The following DNAAF3 variants were observed in gnomAD, a reference collection of about 807,000 sequenced individuals.
DNAAF3 encodes the protein dynein axonemal assembly factor 3.
A neutral mutation model predicts 50.9 loss-of-function variants in DNAAF3; 40 were observed. The ratio of observed to expected loss-of-function variants is 0.79; its 90% CI spans 0.61 to 1.02. The LOEUF (loss-of-function observed/expected upper bound fraction) is 1.02. Among genes scored for constraint, DNAAF3 ranks in the 50% least tolerant of loss-of-function variants. DNAAF3 has a pLI of 0.00. For synonymous variants in DNAAF3, 327 were observed against 322.8 expected (o/e 1.01, Z -0.14); for missense variants, 763 against 744.7 (o/e 1.02, Z -0.29).
intron 4 of DNAAF3, among the ~76,000 whole-genome samples, chr19:55,163,307 G>A (rs1223332713): frequency 1.7e-5 from 2 of 116,766 alleles, no homozygotes; most frequent in Admixed American, 8.8e-5. Context: ...CGCGCCCGGC[G>A]GCTAATTTTT....
chr19:55,162,997 C>CTTTTTTTTTTTTTTTTTTTTT lies in DNAAF3; in HGVS notation c.323-728_323-708dup, dbSNP rs576178532. Among the ~76,000 whole-genome samples, 6 of 92,158 alleles carry CTTTTTTTTTTTTTTTTTTTTT rather than the reference C, an allele frequency of 6.5e-5. 1 individual carries two copies. Among genetic ancestry groups the CTTTTTTTTTTTTTTTTTTTTT allele is most frequent in the Non-Finnish European group, 1.3e-4 (6 of 46,862 alleles). The allele number at this position is 92,158 out of a possible 152,430, so 60.5% of individuals were successfully genotyped here. ...TTTTATTTCTTTTTCTTTTCTTTTT[C>CTTTTTTTTTTTTTTTTTTTTT]TTTTTTTTTTTTTTTTTTTTTTTTT... On this transcript the variant is annotated intron_variant, in intron 4 of 11. Transcript: ENST00000524407.
chr19:55,163,861 G>C (rs1222652486), intron 4 of DNAAF3, among the ~76,000 whole-genome samples: 1 of 152,024 alleles, frequency 6.6e-6, no homozygotes, highest in African/African-American at 2.4e-5. Flanking sequence ...GAATTCCCTG[G>C]GTCATTAATG....
In DNAAF3 at chr19:55,159,044, G is replaced by T; in HGVS notation, c.*18C>A. The T allele has an allele frequency of 6.4e-7, 1 of 1,551,504 alleles. No homozygotes were observed. ...CCTGACTTTGGAAGTTGGAGATAAGGGGTGTCTAGGGGTTGGGTCAGACTC... is the reference window on the plus strand; with the variant it reads ...CCTGACTTTGGAAGTTGGAGATAAGTGGTGTCTAGGGGTTGGGTCAGACTC... On this transcript the variant is annotated 3_prime_UTR_variant, in exon 12 of 12. Transcript: ENST00000524407.
rs1213510714 is a variant in DNAAF3, at chr19:55,165,839, C to T, written c.228+19G>A. 2.5e-6 allele frequency: 4 copies of T among 1,612,248 alleles called. No homozygotes were observed. The highest frequency in any genetic ancestry group is 2.7e-5 in the African/African-American group (2 of 74,876). ...TCAAGGACTCGGGAATCTGGGCTCT[C>T]ATCTTCATCCCAGCTCACGTTGAAC... On this transcript the variant is annotated intron_variant, in intron 3 of 11. Coordinates refer to ENST00000524407, the MANE Select transcript of DNAAF3 (RefSeq NM_001256715.2).
In DNAAF3 at chr19:55,161,497, C is replaced by A. The variant is rs2085831172; in HGVS notation, c.664-79G>T. ...CCCCTACACCAGCCTCCCTCAGACC[C>A]AGGAGTCCAGGTCCCCAGGCCCTCC... On this transcript the variant is annotated intron_variant, in intron 6 of 11. Transcript: ENST00000524407. The surrounding 1 kb of genome is among the most constrained non-coding windows in gnomAD (Gnocchi z 6.4). The A allele has an allele frequency of 2.6e-6, 4 of 1,518,188 alleles. No individual in the cohort carries two copies. The Admixed American group carries it at 8.8e-5, about 33-fold the overall frequency. The allele number at this position is 1,518,188 out of a possible 1,614,324, so 94.0% of individuals were successfully genotyped here.
Position 55,160,697 on chromosome 19 carries a change from C to CG in DNAAF3, c.990dup (p.Gly331ArgfsTer66). On this transcript the variant is annotated frameshift_variant, in exon 9 of 12. Transcript: ENST00000524407. LOFTEE classifies it high-confidence loss of function. This position sits in a 1 kb window ranked among gnomAD's most constrained non-coding sequence, Gnocchi z 4.7. ...TGCTGCTGCTCCTCCAGGTCCCCCC[C>CG]GGTGGCTCTCGCGCGCCCCCAGGCG... 6.2e-7 allele frequency: 1 copy of CG among 1,613,676 alleles called. No homozygotes were observed. Among genetic ancestry groups the CG allele is most frequent in the Non-Finnish European group, 8.5e-7 (1 of 1,179,966 alleles).
In DNAAF3 at chr19:55,166,039, GGCAGAGC is replaced by G; in HGVS notation, c.86-46_86-40del. 1.2e-6 allele frequency: 2 copies of G among 1,614,144 alleles called. No individual in the cohort carries two copies. Among genetic ancestry groups the G allele is most frequent in the Non-Finnish European group, 1.7e-6 (2 of 1,180,028 alleles). ...AGCTGGCTGGGGCACCATGGTGGTTGGCAGAGCGTCCACCGTAGCATCCCCTATAAAA... is the reference window on the plus strand; with the variant it reads ...AGCTGGCTGGGGCACCATGGTGGTTGGTCCACCGTAGCATCCCCTATAAAA... On this transcript the variant is annotated intron_variant, in intron 2 of 11. Transcript: ENST00000524407. This position sits in a 1 kb window ranked among gnomAD's most constrained non-coding sequence, Gnocchi z 4.0.
In DNAAF3 at chr19:55,158,863, T is replaced by C. The variant is rs2085765752; in HGVS notation, c.*199A>G. 3.4e-6 allele frequency: 2 copies of C among 588,932 alleles called. No individual in the cohort carries two copies. Among genetic ancestry groups the C allele is most frequent in the South Asian group, 5.9e-5 (2 of 34,080 alleles). 36.5% of individuals were successfully genotyped at this position (588,932 alleles called of 1,614,324 possible). On this transcript the variant is annotated 3_prime_UTR_variant, in exon 12 of 12. Transcript: ENST00000524407. ...GGAATTCTGAGAGAACAATCTAGAA[T>C]TCTAGGAATAGACCATAGAATCTCA...
rs59663064 is a variant in DNAAF3 at position 55,160,930 on chromosome 19, T to C, written c.912+135A>G. On this transcript the variant is annotated intron_variant, in intron 8 of 11. Coordinates refer to ENST00000524407, the MANE Select transcript of DNAAF3 (RefSeq NM_001256715.2). The surrounding 1 kb of genome is among the most constrained non-coding windows in gnomAD (Gnocchi z 4.7). ...TATCCCGCGGGGATGGGGCCTGTTC[T>C]CTGAATGGAGTCGTTCCCACCAAGC... 0.046 allele frequency: 66,502 copies of C among 1,450,236 alleles called. 4,185 individuals are homozygous for C. Among genetic ancestry groups the C allele is most frequent in the Admixed American group, 0.27 (10,459 of 38,150 alleles). 89.8% of individuals were successfully genotyped at this position (1,450,236 alleles called of 1,614,324 possible). A position where few individuals can be genotyped will look rare whatever the true frequency, so the allele number is the denominator to read the frequency against.
Position 55,161,018 on chromosome 19 carries a change from C to T in DNAAF3, c.912+47G>A. On this transcript the variant is annotated intron_variant, in intron 8 of 11. Transcript: ENST00000524407. The surrounding 1 kb of genome is among the most constrained non-coding windows in gnomAD (Gnocchi z 6.4). ...TGGGGGCGGGGCCTTGCGCACCCACCGACCCCCAGCCCCACCTCTACCCCC... is the reference window on the plus strand; with the variant it reads ...TGGGGGCGGGGCCTTGCGCACCCACTGACCCCCAGCCCCACCTCTACCCCC... The T allele has an allele frequency of 6.7e-7, 1 of 1,498,854 alleles. No individual in the cohort carries two copies. Among genetic ancestry groups the T allele is most frequent in the South Asian group, 1.3e-5 (1 of 79,656 alleles). The allele number at this position is 1,498,854 out of a possible 1,614,324, so 92.8% of individuals were successfully genotyped here. A position where few individuals can be genotyped will look rare whatever the true frequency, so the allele number is the denominator to read the frequency against.
intron 4 of DNAAF3, among the ~76,000 whole-genome samples, chr19:55,164,545 T>C (rs2085902735): frequency 6.6e-6 from 1 of 151,882 alleles, no homozygotes; most frequent in South Asian, 2.1e-4. Context: ...TTTTTTTAGA[T>C]GGAGGTTTTG....
At chr19:55,164,219 G>A (rs150037688) in intron 4 of DNAAF3, among the ~76,000 whole-genome samples, 8 of 152,200 alleles carry the variant, frequency 5.3e-5, no homozygotes, top group Middle Eastern at 3.4e-3. Flanking sequence ...GATCGCACCC[G>A]CCTGTAAACC....
At position 55,165,340 on chromosome 19, in the gene DNAAF3, G is replaced by A. The variant is rs757923602; in HGVS notation, c.322+30C>T. 5.6e-6 allele frequency: 9 copies of A among 1,600,060 alleles called. No individual in the cohort carries two copies. In the African/African-American group the frequency reaches 9.4e-5, roughly 17 times the overall value. On this transcript the variant is annotated intron_variant, in intron 4 of 11. Transcript: ENST00000524407. ...CTCTAGGGAGGGGGAGGAGACCAGC[G>A]GTCAGAATGCCTGGGTCCTAGCAAC...
rs1275019731 is a variant in DNAAF3, at chr19:55,161,111, G to A, written c.866C>T (p.Ala289Val). ...CGTCCGCAGGAGGCTCTCGTCGTCCGCTTCGATGCCGAAGGCCACGAAGGG... is the reference window on the plus strand; with the variant it reads ...CGTCCGCAGGAGGCTCTCGTCGTCCACTTCGATGCCGAAGGCCACGAAGGG... ...TGPFVAFGIEADDESLLRTSN... is the reference protein window; with the variant it reads ...TGPFVAFGIEVDDESLLRTSN... The change falls in exon 8 of 12, where the codon GCG (alanine) becomes GTG (valine). Residue 289 changes from alanine to valine, a missense_variant. Coordinates refer to ENST00000524407, the MANE Select transcript of DNAAF3 (RefSeq NM_001256715.2). This position sits in a 1 kb window ranked among gnomAD's most constrained non-coding sequence, Gnocchi z 6.4. 1.9e-6 allele frequency: 3 copies of A among 1,545,494 alleles called. No individual in the cohort carries two copies. The highest frequency in any genetic ancestry group is 1.7e-6 in the Non-Finnish European group (2 of 1,146,824).
intron 4 of DNAAF3, among the ~76,000 whole-genome samples, chr19:55,163,073 G>A (rs1242506317): frequency 1.5e-5 from 2 of 132,506 alleles, no homozygotes; most frequent in Admixed American, 8.3e-5. Context: ...GCAGTGGCGC[G>A]ATCCCGGCTC....
intron 4 of DNAAF3, among the ~76,000 whole-genome samples, chr19:55,163,056 C>T (rs1158301523): frequency 3.3e-5 from 4 of 121,750 alleles, no homozygotes; most frequent in Non-Finnish European, 6.4e-5. Context: ...GTCGCCTAGA[C>T]TGTAGTGCAG....
chr19:55,161,715 G>T lies in DNAAF3; in HGVS notation c.591C>A (p.Tyr197Ter). The T allele has an allele frequency of 6.5e-7, 1 of 1,541,498 alleles. No homozygotes were observed. The highest frequency in any genetic ancestry group is 8.7e-7 in the Non-Finnish European group (1 of 1,146,504). Residue 197 changes from tyrosine (Y) to a stop codon, truncating the protein, a stop_gained, in exon 6 of 12, where the codon TAC becomes TAA. Coordinates refer to ENST00000524407, the MANE Select transcript of DNAAF3 (RefSeq NM_001256715.2). LOFTEE classifies it high-confidence loss of function. The surrounding 1 kb of genome is among the most constrained non-coding windows in gnomAD (Gnocchi z 6.4). ...SRLWDSRLRH[Y>*]LGSRYDARRG... ...GCCGGGCGTCGTAGCGGGAGCCCAG[G>T]TAGTGGCGCAGGCGCGAGTCCCAGA...
At position 55,159,532 on chromosome 19, in the gene DNAAF3, C is replaced by T. The variant is rs1238401247; in HGVS notation, c.1238+1G>A. 2 of 1,596,974 alleles carry T rather than the reference C, an allele frequency of 1.3e-6. No homozygotes were observed. Among genetic ancestry groups the T allele is most frequent in the Admixed American group, 3.4e-5 (2 of 58,800 alleles). ...CCCCACCCTCCACCCCACTGACTCA[C>T]CGGGCTAATTCCACAATCAAGTTCC... On this transcript the variant is annotated splice_donor_variant, in intron 11 of 11. Coordinates refer to ENST00000524407, the MANE Select transcript of DNAAF3 (RefSeq NM_001256715.2). LOFTEE classifies it high-confidence loss of function.
chr19:55,159,654 A>G, intron 10 of DNAAF3, 47 bp from the exon 11 acceptor site: 1 of 1,610,656 alleles, frequency 6.2e-7, no homozygotes, highest in East Asian at 2.2e-5. Context: ...CCAAATCCGG[A>G]GGGAGGATGG....
Sources: gnomAD v4.1 joint callset for allele counts (sites outside exome capture counted in the v4.1 genomes callset) on GRCh38, gnomAD v4.1.1 for gene constraint, Gnocchi (gnomAD v3.1) non-coding constraint, MANE v1.5 for transcripts, NCBI Gene and HGNC (gene_info 2026-07-23, HGNC 2026-07-21) for gene names.